NEGR1: variants seen among roughly 807,000 people sequenced by gnomAD.
NEGR1 encodes the protein IgLON family member 4.
NEGR1 carries 10 observed loss-of-function variants against 40.9 expected under a neutral mutation model. That is an observed-to-expected ratio of 0.24 (90% CI 0.15 to 0.42). NEGR1 has a LOEUF of 0.42. NEGR1 is among the 10% of genes least tolerant of loss of function. NEGR1 has a pLI of 1.00. For missense variants in NEGR1, 352 were observed against 438.9 expected, an observed-to-expected ratio of 0.80 and a Z score of 1.77; for synonymous variants, 185 against 166.8, an observed-to-expected ratio of 1.11 and a Z score of -0.84.
chr1:72,213,390 T>A (rs1388867009), intron 1 of NEGR1, among the ~76,000 whole-genome samples: 1 of 151,956 alleles, frequency 6.6e-6, no homozygotes, highest in Non-Finnish European at 1.5e-5. Flanking sequence ...AAATTCCACA[T>A]GGATTTGACA....
intron 3 of NEGR1, among the ~76,000 whole-genome samples, chr1:71,748,555 G>A (rs1655463013): frequency 1.3e-5 from 2 of 152,074 alleles, no homozygotes; most frequent in African/African-American, 4.8e-5. Flanking sequence ...GTATCCTGAA[G>A]AAAACATATA....
chr1:71,865,842 A>G (rs756650695), intron 2 of NEGR1, among the ~76,000 whole-genome samples: 10 of 152,214 alleles, frequency 6.6e-5, no homozygotes, highest in Non-Finnish European at 1.3e-4. Flanking sequence ...CACACATAGC[A>G]ATAAAGAACT....
At chr1:71,469,039 T>C (rs918791703) in intron 6 of NEGR1, among the ~76,000 whole-genome samples, 1 of 151,974 alleles carries the variant, frequency 6.6e-6, no homozygotes, top group Non-Finnish European at 1.5e-5. Flanking sequence ...CGTAAAGAGG[T>C]TGTACAATAT....
chr1:71,650,193 C>T (rs751222901), intron 4 of NEGR1, among the ~76,000 whole-genome samples: 28 of 151,978 alleles, frequency 1.8e-4, no homozygotes, highest in Non-Finnish European at 2.5e-4. Context: ...TGGAAAAATT[C>T]GAAACGATTG....
chr1:71,503,464 G>A (rs1647011877), intron 6 of NEGR1, among the ~76,000 whole-genome samples: 1 of 152,142 alleles, frequency 6.6e-6, no homozygotes, highest in South Asian at 2.1e-4. Flanking sequence ...GGCAACAAGA[G>A]GGTTAGAGGA....
intron 6 of NEGR1, chr1:71,486,382 T>C (rs1051703725): frequency 5.3e-5 from 8 of 151,276 alleles, no homozygotes; most frequent in African/African-American, 1.9e-4. Context: ...TATTTTCTTT[T>C]TTTTTTTCAC....
chr1:71,754,677 G>C (rs1260534589), intron 3 of NEGR1, among the ~76,000 whole-genome samples: 1 of 146,400 alleles, frequency 6.8e-6, no homozygotes, highest in Non-Finnish European at 1.5e-5. Context: ...TCTGGCTCCA[G>C]TTCCCAGAGA....
intron 6 of NEGR1, among the ~76,000 whole-genome samples, chr1:71,548,577 C>T (rs1417546668): frequency 1.3e-5 from 2 of 151,664 alleles, no homozygotes; most frequent in African/African-American, 2.4e-5. Context: ...ATATTCTTGA[C>T]GTTTGAATCA....
At chr1:71,659,715 A>G (rs1487102670) in intron 4 of NEGR1, among the ~76,000 whole-genome samples, 1 of 152,220 alleles carries the variant, frequency 6.6e-6, no homozygotes, top group African/African-American at 2.4e-5. Flanking sequence ...GCAAACAAGC[A>G]TATGGAAAAA....
At chr1:72,121,413 G>A (rs889965532) in intron 1 of NEGR1, among the ~76,000 whole-genome samples, 2 of 151,794 alleles carry the variant, frequency 1.3e-5, no homozygotes, top group Non-Finnish European at 2.9e-5. Flanking sequence ...TCATACCTAA[G>A]CATAGGTTTT....
chr1:71,695,897 T>A lies in NEGR1; in HGVS notation c.667+2111A>T, dbSNP rs936462065. Among the ~76,000 whole-genome samples, 15 of 151,854 alleles carry A rather than the reference T, an allele frequency of 9.9e-5. No homozygotes were observed. The East Asian group carries it at 1.2e-3, about 12-fold the overall frequency. On this transcript the variant is annotated intron_variant, in intron 4 of 6. Transcript: ENST00000357731. ...GTTTGCTGCCATTATATATTTTTTT[T>A]AAAAAGAGTTTTCCAAAGCTCAGGA... is the stretch of plus-strand genomic sequence containing the variant.
At chr1:71,861,796 A>G (rs979781493) in intron 2 of NEGR1, among the ~76,000 whole-genome samples, 1 of 152,052 alleles carries the variant, frequency 6.6e-6, no homozygotes, top group African/African-American at 2.4e-5. Context: ...CACTGTTTCC[A>G]TTTTTCTTTT....
intron 2 of NEGR1, among the ~76,000 whole-genome samples, chr1:71,922,956 C>G (rs1645734314): frequency 6.6e-6 from 1 of 152,000 alleles, no homozygotes; most frequent in African/African-American, 2.4e-5. Flanking sequence ...TGCTAAACTA[C>G]TTAAGAAAAA....
At chr1:71,824,590 G>A (rs1194463094) in intron 2 of NEGR1, among the ~76,000 whole-genome samples, 1 of 151,876 alleles carries the variant, frequency 6.6e-6, no homozygotes, top group Non-Finnish European at 1.5e-5. Flanking sequence ...AATGAATTTT[G>A]ACAACTGTAA....
intron 3 of NEGR1, among the ~76,000 whole-genome samples, chr1:71,705,618 G>T (rs1653862417): frequency 6.6e-6 from 1 of 152,140 alleles, no homozygotes; most frequent in South Asian, 2.1e-4. Flanking sequence ...TACTCAGGAG[G>T]CTGAGGTGGG....
chr1:71,665,890 G>C (rs746745109), intron 4 of NEGR1, among the ~76,000 whole-genome samples: 3 of 152,196 alleles, frequency 2.0e-5, no homozygotes, highest in Non-Finnish European at 4.4e-5. Context: ...TTGAACCTCA[G>C]TTGGTTCTTT....
intron 3 of NEGR1, among the ~76,000 whole-genome samples, chr1:71,754,971 T>C (rs1482233691): frequency 6.6e-6 from 1 of 152,154 alleles, no homozygotes; most frequent in African/African-American, 2.4e-5. Context: ...AGATTTACAT[T>C]CATGATTCCA....
intron 3 of NEGR1, among the ~76,000 whole-genome samples, chr1:71,704,740 G>A (rs891528782): frequency 1.3e-5 from 2 of 151,722 alleles, no homozygotes; most frequent in African/African-American, 4.8e-5. Context: ...AATTCTTTCT[G>A]AAAATGGAGT....
At chr1:71,820,797 T>C (rs1333213787) in intron 2 of NEGR1, among the ~76,000 whole-genome samples, 2 of 151,992 alleles carry the variant, frequency 1.3e-5, no homozygotes, top group Non-Finnish European at 2.9e-5. Context: ...TATTTAATCC[T>C]GGGAGTGGGA....
Sources: gnomAD v4.1 joint callset for allele counts (sites outside exome capture counted in the v4.1 genomes callset) on GRCh38, gnomAD v4.1.1 for gene constraint, MANE v1.5 for transcripts, NCBI Gene and HGNC (gene_info 2026-07-23, HGNC 2026-07-21) for gene names.